Variants in ZEB2 observed in about 807,000 individuals in gnomAD.
ZEB2 encodes the protein zinc finger E-box-binding homeobox 2.
A neutral mutation model predicts 99.9 loss-of-function variants in ZEB2; 6 were observed. The observed-to-expected ratio is 0.06, with a 90% confidence interval of 0.03 to 0.12. ZEB2 has a LOEUF of 0.12. ZEB2 is among the 10% of genes least tolerant of loss of function. The pLI is 1.00. For synonymous variants in ZEB2, 517 were observed against 542.5 expected, an observed-to-expected ratio of 0.95 and a Z score of 0.65; for missense variants, 969 against 1,502.8, an observed-to-expected ratio of 0.64 and a Z score of 5.87.
intron 5 of ZEB2, among the ~76,000 whole-genome samples, chr2:144,404,395 C>A (rs1310900224): frequency 6.7e-6 from 1 of 150,216 alleles, no homozygotes; most frequent in Non-Finnish European, 1.5e-5. Flanking sequence ...ACTTAAACAG[C>A]TGATAAATGA....
chr2:144,412,970 G>A (rs958704574), intron 4 of ZEB2, among the ~76,000 whole-genome samples: 1 of 152,082 alleles, frequency 6.6e-6, no homozygotes, highest in African/African-American at 2.4e-5. Context: ...CAAGGTTCAG[G>A]GTCCTTGGAC....
At position 144,400,034 on chromosome 2, in the gene ZEB2, T is replaced by C; in HGVS notation, c.1153A>G (p.Thr385Ala). The C allele has an allele frequency of 6.2e-7, 1 of 1,614,206 alleles. No individual in the cohort carries two copies. ...TCTGTTTTAATTTTAAGTAAGCCTG[T>C]CTGTTCAGACATACTAAGTGGTTTT... ...NGKPLSMSEQ[T>A]GLLKIKTEPL... The change falls in exon 8 of 10, where the codon ACA (threonine) becomes GCA (alanine). Residue 385 changes from threonine to alanine, a missense_variant. By Grantham distance (58) the Thr-to-Ala change is moderately conservative. Coordinates refer to ENST00000627532, the MANE Select transcript of ZEB2 (RefSeq NM_014795.4).
At chr2:144,445,438 CT>C (rs1703970355) in intron 2 of ZEB2, among the ~76,000 whole-genome samples, 1 of 152,008 alleles carries the variant, frequency 6.6e-6, no homozygotes, top group South Asian at 2.1e-4. Context: ...CACATTCATT[CT>C]CTCTCTCTTC....
chr2:144,427,315 T>G (rs1703703264), intron 3 of ZEB2: 1 of 152,196 alleles, frequency 6.6e-6, no homozygotes, highest in Admixed American at 6.5e-5. Flanking sequence ...AAACTTTGAT[T>G]GTGCTGGAAC....
intron 2 of ZEB2, chr2:144,512,654 C>G: frequency 7.8e-7 from 1 of 1,287,174 alleles, no homozygotes; most frequent in South Asian, 1.2e-5. Context: ...CACCCTTAGT[C>G]CTGGTGGACT....
intron 4 of ZEB2, among the ~76,000 whole-genome samples, chr2:144,422,945 G>T (rs1312096951): frequency 6.6e-6 from 1 of 152,072 alleles, no homozygotes; most frequent in Non-Finnish European, 1.5e-5. Flanking sequence ...CAAATGAAAT[G>T]ATAACCATGT....
intron 2 of ZEB2, among the ~76,000 whole-genome samples, chr2:144,502,994 C>T (rs1704896205): frequency 6.6e-6 from 1 of 152,072 alleles, no homozygotes; most frequent in East Asian, 1.9e-4. Context: ...CAAGGTAACT[C>T]TTCCTTAGGA....
intron 2 of ZEB2, among the ~76,000 whole-genome samples, chr2:144,500,832 CAA>C (rs1036242601): frequency 5.3e-5 from 8 of 152,094 alleles, no homozygotes; most frequent in African/African-American, 1.7e-4. Context: ...GGTAAAGAAA[CAA>C]TGATGAAAAA....
chr2:144,500,962 C>A (rs1168759628), intron 2 of ZEB2, among the ~76,000 whole-genome samples: 1 of 152,070 alleles, frequency 6.6e-6, no homozygotes, highest in Non-Finnish European at 1.5e-5. Context: ...AGATCACATT[C>A]ATGCTCCTGG....
At chr2:144,513,924 T>A in intron 2 of ZEB2, 1 of 1,475,248 alleles carries the variant, frequency 6.8e-7, no homozygotes, top group Non-Finnish European at 9.0e-7. Flanking sequence ...TGACTGAACT[T>A]TCTTGAAACC....
At chr2:144,441,676 A>G (rs1217841663) in intron 2 of ZEB2, among the ~76,000 whole-genome samples, 1 of 152,158 alleles carries the variant, frequency 6.6e-6, no homozygotes, top group East Asian at 1.9e-4. Flanking sequence ...TTTGGGAAAT[A>G]ATTTTTTAAG....
chr2:144,457,483 A>G (rs1369369761), intron 2 of ZEB2, among the ~76,000 whole-genome samples: 2 of 152,192 alleles, frequency 1.3e-5, no homozygotes, highest in Admixed American at 6.6e-5. Context: ...TTAACAGAGT[A>G]TGGTGGTGTC....
intron 2 of ZEB2, chr2:144,497,693 G>A (rs1271214974): frequency 1.2e-5 from 2 of 165,952 alleles, no homozygotes; most frequent in Admixed American, 1.4e-4. Context: ...AAACAAAAAA[G>A]GACTTAAAAA....
intron 2 of ZEB2, among the ~76,000 whole-genome samples, chr2:144,499,792 T>C (rs1290773951): frequency 1.3e-5 from 2 of 152,182 alleles, no homozygotes. Flanking sequence ...CAAATCTCCA[T>C]TAGTCAGAAG....
chr2:144,402,433 C>G (rs548330392), intron 6 of ZEB2, among the ~76,000 whole-genome samples: 96 of 152,214 alleles, frequency 6.3e-4, no homozygotes, highest in Non-Finnish European at 1.1e-3. Flanking sequence ...GAGCCCAGCC[C>G]GCCGAGCGCC....
At chr2:144,431,386 AAG>A (rs1425238113) in intron 2 of ZEB2, among the ~76,000 whole-genome samples, 8 of 152,170 alleles carry the variant, frequency 5.3e-5, no homozygotes, top group Non-Finnish European at 1.0e-4. Context: ...AAGGAACAAA[AAG>A]AGAGAGATTT....
At chr2:144,510,638 A>G (rs1705018780) in intron 2 of ZEB2, among the ~76,000 whole-genome samples, 1 of 152,054 alleles carries the variant, frequency 6.6e-6, no homozygotes, top group Admixed American at 6.5e-5. Flanking sequence ...GGGAAGCCCA[A>G]CAAACAGCCA....
intron 2 of ZEB2, among the ~76,000 whole-genome samples, chr2:144,472,701 G>A (rs1242316120): frequency 6.6e-6 from 1 of 152,132 alleles, no homozygotes; most frequent in Non-Finnish European, 1.5e-5. Context: ...CAGAAAGGAA[G>A]CACGGATGGA....
Position 144,389,743 on chromosome 2 carries a change from G to T in ZEB2, c.3353C>A (p.Pro1118His), listed in dbSNP as rs780004720. Residue 1118 changes from proline to histidine, a missense_variant, in exon 10 of 10, where the codon CCT (proline) becomes CAT (histidine). Transcript: ENST00000627532. This position sits in a 1 kb window ranked among gnomAD's most constrained non-coding sequence, Gnocchi z 6.8. ...MNRAYLQSIT[P>H]QGYSDSEERE... ...CTCCTCCGAGTCAGAGTACCCCTGAGGGGTAATGCTCTGCAAGTAAGCCCG... is the reference window on the plus strand; with the variant it reads ...CTCCTCCGAGTCAGAGTACCCCTGATGGGTAATGCTCTGCAAGTAAGCCCG... 8.7e-6 allele frequency: 14 copies of T among 1,610,560 alleles called. No individual in the cohort carries two copies. The highest frequency in any genetic ancestry group is 1.1e-5 in the Non-Finnish European group (13 of 1,177,706).
Sources: allele counts gnomAD v4.1 joint callset (sites outside exome capture counted in the v4.1 genomes callset), GRCh38; gene constraint gnomAD v4.1.1; non-coding constraint Gnocchi (gnomAD v3.1); transcripts MANE v1.5; gene names NCBI Gene and HGNC (gene_info 2026-07-23, HGNC 2026-07-21).